The following RPH3AL variants were observed in gnomAD, a reference collection of about 807,000 sequenced individuals.
The protein encoded by RPH3AL is rabphilin 3A like (without C2 domains).
RPH3AL carries 38 observed loss-of-function variants against 43.1 expected under a neutral mutation model. That is an observed-to-expected ratio of 0.88 (90% CI 0.68 to 1.15). RPH3AL has a LOEUF of 1.15. RPH3AL is among the 50% of genes most tolerant of loss of function. RPH3AL has a pLI of 0.00. For synonymous variants in RPH3AL, 189 were observed against 176.3 expected (o/e 1.07, Z -0.57); for missense variants, 462 against 423.2 (o/e 1.09, Z -0.81).
intron 5 of RPH3AL, among the ~76,000 whole-genome samples, chr17:315,147 G>A (rs369795557): frequency 5.5e-5 from 7 of 128,044 alleles, no homozygotes; most frequent in African/African-American, 1.8e-4. Flanking sequence ...CACCTCCATT[G>A]ACCTGTAGTC....
intron 8 of RPH3AL, among the ~76,000 whole-genome samples, chr17:218,495 A>T: frequency 6.6e-6 from 1 of 152,202 alleles, no homozygotes; most frequent in African/African-American, 2.4e-5. Context: ...AAGGCATTTC[A>T]TTCCTGTTTG....
chr17:317,224 C>G (rs878855658), intron 5 of RPH3AL, among the ~76,000 whole-genome samples: 2 of 98,180 alleles, frequency 2.0e-5, no homozygotes, highest in Non-Finnish European at 4.2e-5. Flanking sequence ...CATTGACCTG[C>G]AGTGCCTGTG....
intron 6 of RPH3AL, among the ~76,000 whole-genome samples, chr17:247,943 C>T (rs778435651): frequency 4.6e-5 from 7 of 151,488 alleles, no homozygotes; most frequent in Admixed American, 2.0e-4. Flanking sequence ...CACCTTCTCT[C>T]GCTGGCCCAA....
rs968501800 is a variant in RPH3AL at position 264,892 on chromosome 17, G to A, written c.438+16876C>T. Reference sequence around the variant, plus strand: ...AGTGGTCAATGCAAGACAAAACTCAGTCTAAATTACTAATGTACACATAAC... The same window carrying A: ...AGTGGTCAATGCAAGACAAAACTCAATCTAAATTACTAATGTACACATAAC... On this transcript the variant is annotated intron_variant, in intron 6 of 9. Coordinates refer to ENST00000331302, the MANE Select transcript of RPH3AL (RefSeq NM_006987.4). This position sits in a 1 kb window ranked among gnomAD's most constrained non-coding sequence, Gnocchi z 4.8. Among the ~76,000 whole-genome samples the A allele has an allele frequency of 3.9e-5, 6 of 152,184 alleles. No homozygotes were observed. Among genetic ancestry groups the A allele is most frequent in the Non-Finnish European group, 5.9e-5 (4 of 68,050 alleles).
intron 5 of RPH3AL, among the ~76,000 whole-genome samples, chr17:302,296 C>T: frequency 6.6e-6 from 1 of 152,236 alleles, no homozygotes; most frequent in East Asian, 1.9e-4. Context: ...CATCTGAGGT[C>T]ACGCAGGAGG....
In RPH3AL at chr17:272,956, CTACGTCA is replaced by C. The variant is rs1567604297; in HGVS notation, c.438+8805_438+8811del. On this transcript the variant is annotated intron_variant, in intron 6 of 9. Coordinates refer to ENST00000331302, the MANE Select transcript of RPH3AL (RefSeq NM_006987.4). Reference sequence around the variant, plus strand: ...CATCAGGGAGAGACCCCAGCAAGGGCTACGTCAGGGTGAGACCCCAGCAAGGGCTACG... The same window carrying C: ...CATCAGGGAGAGACCCCAGCAAGGGCGGGTGAGACCCCAGCAAGGGCTACG... Among the ~76,000 whole-genome samples the C allele has an allele frequency of 2.5e-3, 85 of 34,424 alleles. 2 individuals are homozygous for C. Among genetic ancestry groups the C allele is most frequent in the Middle Eastern group, 0.014 (1 of 70 alleles). The allele number at this position is 34,424 out of a possible 152,430, so 22.6% of individuals were successfully genotyped here.
At chr17:235,030 A>C (rs78551649) in intron 7 of RPH3AL, among the ~76,000 whole-genome samples, 1 of 152,366 alleles carries the variant, frequency 6.6e-6, no homozygotes, top group African/African-American at 2.4e-5. Context: ...GTTTGACGGA[A>C]AAACGGCAGC....
At chr17:253,435 G>T (rs1245874024) in intron 6 of RPH3AL, among the ~76,000 whole-genome samples, 1 of 152,184 alleles carries the variant, frequency 6.6e-6, no homozygotes, top group Non-Finnish European at 1.5e-5. Flanking sequence ...TCAGCTCATG[G>T]ACTTCCGAGC....
chr17:229,402 G>C (rs931423484), intron 7 of RPH3AL, among the ~76,000 whole-genome samples: 1 of 152,354 alleles, frequency 6.6e-6, no homozygotes, highest in South Asian at 2.1e-4. Flanking sequence ...ACAGGAAACC[G>C]CACTGTACAA....
intron 1 of RPH3AL, among the ~76,000 whole-genome samples, chr17:343,930 A>AT (rs2045182225): frequency 2.2e-4 from 7 of 31,660 alleles, no homozygotes. Flanking sequence ...CCTCATCATC[A>AT]CCATCATCAT....
intron 7 of RPH3AL, among the ~76,000 whole-genome samples, chr17:242,624 T>A (rs199507897): frequency 7.3e-6 from 1 of 137,850 alleles, no homozygotes; most frequent in African/African-American, 2.7e-5. Context: ...CCTCTATTGA[T>A]TACCTTCCTC....
chr17:249,135 G>A (rs1402245325), intron 6 of RPH3AL, among the ~76,000 whole-genome samples: 1 of 152,056 alleles, frequency 6.6e-6, no homozygotes, highest in African/African-American at 2.4e-5. Flanking sequence ...ACCACATACT[G>A]TATAGCCTCT....
At chr17:270,679 A>G (rs1597981827) in intron 6 of RPH3AL, among the ~76,000 whole-genome samples, 1 of 151,466 alleles carries the variant, frequency 6.6e-6, no homozygotes, top group South Asian at 2.1e-4. Flanking sequence ...GTGAGATGCC[A>G]ACTCCACAAA....
chr17:244,411 G>C (rs1555538844), intron 7 of RPH3AL, among the ~76,000 whole-genome samples: 1 of 151,998 alleles, frequency 6.6e-6, no homozygotes, highest in African/African-American at 2.4e-5. Context: ...GTAGGGAGAG[G>C]GAGAGAGGGA....
intron 7 of RPH3AL, among the ~76,000 whole-genome samples, chr17:224,023 G>GTC (rs2041052952): frequency 6.6e-6 from 1 of 152,218 alleles, no homozygotes; most frequent in East Asian, 1.9e-4. Flanking sequence ...GGGACTCGTG[G>GTC]TCTTGCCTCT....
At chr17:226,217 G>T (rs1310799257) in intron 7 of RPH3AL, among the ~76,000 whole-genome samples, 2 of 152,226 alleles carry the variant, frequency 1.3e-5, no homozygotes, top group East Asian at 3.8e-4. Context: ...ACCCCAAAGG[G>T]CCACAGCCGT....
rs56202178 is a variant in RPH3AL at position 264,500 on chromosome 17, T to C, written c.439-17215A>G. Among the ~76,000 whole-genome samples the C allele has an allele frequency of 0.012, 1,352 of 116,984 alleles. 12 individuals carry two copies. The highest frequency in any genetic ancestry group is 0.032 in the African/African-American group (1,072 of 33,506). 76.7% of individuals were successfully genotyped at this position (116,984 alleles called of 152,430 possible). On this transcript the variant is annotated intron_variant, in intron 6 of 9. Transcript: ENST00000331302. This position sits in a 1 kb window ranked among gnomAD's most constrained non-coding sequence, Gnocchi z 4.8. The stretch of plus-strand genomic sequence containing the variant: ...GGATGGGGACTCAGAATCCGCAGCA[T>C]GTTGACAGCAGGATTACCCTTCGGA...
chr17:314,170 G>A (rs2043749330), intron 5 of RPH3AL, among the ~76,000 whole-genome samples: 1 of 152,146 alleles, frequency 6.6e-6, no homozygotes, highest in African/African-American at 2.4e-5. Flanking sequence ...CTGCAGCACA[G>A]GCCCTGGACT....
At chr17:273,001 C>A in intron 6 of RPH3AL, among the ~76,000 whole-genome samples, 1 of 118,346 alleles carries the variant, frequency 8.4e-6, no homozygotes. Flanking sequence ...AGGGTGAGAC[C>A]CCAGCGAGGG....
Sources: allele counts gnomAD v4.1 joint callset (sites outside exome capture counted in the v4.1 genomes callset), GRCh38; gene constraint gnomAD v4.1.1; non-coding constraint Gnocchi (gnomAD v3.1); transcripts MANE v1.5; gene names NCBI Gene and HGNC (gene_info 2026-07-23, HGNC 2026-07-21).